LSR: variants seen among roughly 807,000 people sequenced by gnomAD.
The protein encoded by LSR is lipolysis stimulated lipoprotein receptor.
A neutral mutation model predicts 61.8 loss-of-function variants in LSR; 44 were observed. That is an observed-to-expected ratio of 0.71 (90% CI 0.56 to 0.91). LSR has a LOEUF of 0.91. LSR is among the 40% of genes least tolerant of loss of function. The pLI is 0.00. For missense variants in LSR, 911 were observed against 830.5 expected (o/e 1.10, Z -1.19); for synonymous variants, 397 against 350.6 (o/e 1.13, Z -1.48).
chr19:35,250,580 C>T lies in LSR; in HGVS notation c.375C>T (p.Val125=). Residue 125 remains valine (V), a synonymous_variant, in exon 2 of 10, where the codon GTC becomes GTT. Coordinates refer to ENST00000605618, the MANE Select transcript of LSR (RefSeq NM_205834.4). ...YVECQDSVRT[V]RVVATKQGNA... is the part of the protein sequence containing the mutation. ...AGTGCCAGGACAGCGTGCGCACCGT[C>T]AGGGTCGTGGCCACCAAGCAGGGCA... is the stretch of plus-strand genomic sequence containing the variant. 1 of 1,612,590 alleles carries T rather than the reference C, an allele frequency of 6.2e-7. No individual in the cohort carries two copies. The highest frequency in any genetic ancestry group is 8.5e-7 in the Non-Finnish European group (1 of 1,178,922).
rs1244873613 is a variant in LSR at position 35,267,384 on chromosome 19, G to A, written c.1420G>A (p.Ala474Thr). The change falls in exon 9 of 10, where the codon GCC becomes ACC. Residue 474 changes from alanine (A) to threonine (T), a missense_variant. Ala to Thr is a moderately conservative substitution (Grantham distance 58). Transcript: ENST00000605618. ...CACGAGTAATGGTGGGAGAAGCCGG[G>A]CCTACATGCCCCCGCGGAGCCGCAG... ...SPTSNGGRSR[A>T]YMPPRSRSRD... 2 of 1,602,358 alleles carry A rather than the reference G, an allele frequency of 1.2e-6. No homozygotes were observed. The highest frequency in any genetic ancestry group is 1.7e-6 in the Non-Finnish European group (2 of 1,175,372).
Position 35,261,971 on chromosome 19 carries a change from G to A in LSR, c.621G>A (p.Gly207=). The stretch of plus-strand genomic sequence containing the variant: ...AGCTCTTACCTGGTTTTCAGGCGGG[G>A]CCCATAGAAGGTACGGGGGGTGGAT... ...VAELLPGFQA[G]PIEDWLFVVV... The change falls in exon 4 of 10, where the codon GGG becomes GGA. Residue 207 remains glycine, a synonymous_variant. Transcript: ENST00000605618. 3.3e-6 allele frequency: 5 copies of A among 1,507,986 alleles called. No homozygotes were observed. The highest frequency in any genetic ancestry group is 1.5e-5 in the African/African-American group (1 of 68,092). 93.4% of individuals were successfully genotyped at this position (1,507,986 alleles called of 1,614,324 possible).
chr19:35,252,290 C>T (rs1291897326), intron 2 of LSR, among the ~76,000 whole-genome samples: 2 of 151,992 alleles, frequency 1.3e-5, no homozygotes, highest in Non-Finnish European at 2.9e-5. Flanking sequence ...AAGTTTCTGT[C>T]GTCAAGGAGA....
chr19:35,249,038 G>C lies in LSR; in HGVS notation c.16G>C (p.Gly6Arg), dbSNP rs35564267. 2.9e-4 allele frequency: 468 copies of C among 1,594,828 alleles called. 3 individuals carry two copies. In the African/African-American group the frequency reaches 5.6e-3, roughly 19 times the overall value. MALLA[G>R]GLSRGLGSHP... ...GACGGCCGCGATGGCGCTGTTGGCC[G>C]GCGGGCTCTCCAGAGGGCTGGGCTC... The change falls in exon 1 of 10, where the codon GGC becomes CGC. Residue 6 changes from glycine to arginine, a missense_variant. Physicochemically the swap from Gly to Arg is moderately radical, Grantham distance 125. Transcript: ENST00000605618.
intron 3 of LSR, among the ~76,000 whole-genome samples, chr19:35,259,950 C>T (rs916733685): frequency 2.6e-5 from 4 of 152,222 alleles, no homozygotes; most frequent in African/African-American, 9.6e-5. Context: ...TGCTGTAAGC[C>T]AACACATGGA....
At chr19:35,266,218 C>G in intron 5 of LSR, 141 bp from the exon 6 acceptor site, 1 of 621,930 alleles carries the variant, frequency 1.6e-6, no homozygotes, top group Non-Finnish European at 2.7e-6. Context: ...CCAACAGGGA[C>G]TCAGATGTCC....
At chr19:35,261,231 G>A (rs2065924365) in intron 3 of LSR, among the ~76,000 whole-genome samples, 1 of 152,172 alleles carries the variant, frequency 6.6e-6, no homozygotes, top group Non-Finnish European at 1.5e-5. Flanking sequence ...GACCTTGTGG[G>A]TCCCAGAACC....
chr19:35,266,641 C>T (rs1234205480), intron 6 of LSR, 38 bp from the exon 7 acceptor site: 9 of 1,599,836 alleles, frequency 5.6e-6, no homozygotes, highest in Non-Finnish European at 7.7e-6. Context: ...AGGGGCTCTG[C>T]TCCTGGTGCG....
intron 8 of LSR, 49 bp from the exon 9 acceptor site, chr19:35,267,060 C>A (rs1599609451): frequency 2.0e-6 from 3 of 1,536,928 alleles, no homozygotes; most frequent in Non-Finnish European, 2.6e-6. Flanking sequence ...GGTGCAAACC[C>A]TGGACCCCGG....
At position 35,266,473 on chromosome 19, in the gene LSR, G is replaced by T; in HGVS notation, c.893G>T (p.Gly298Val). 1 of 1,613,050 alleles carries T rather than the reference G, an allele frequency of 6.2e-7. No individual in the cohort carries two copies. The highest frequency in any genetic ancestry group is 8.5e-7 in the Non-Finnish European group (1 of 1,179,420). Residue 298 changes from glycine to valine, a missense_variant, in exon 6 of 10, where the codon GGC becomes GTC. Gly to Val is a moderately radical substitution (Grantham distance 109). Transcript: ENST00000605618. ...TPPPPAMIPMGPAYNGYPGGY... is the reference protein window; with the variant it reads ...TPPPPAMIPMVPAYNGYPGGY... ...CCCCCACCAGCTATGATTCCCATGG[G>T]CCCTGCCTACAACGGGTACCCTGGA... is the stretch of plus-strand genomic sequence containing the variant.
Position 35,255,206 on chromosome 19 carries a change from C to T in LSR, c.455-3739C>T, listed in dbSNP as rs115518185. Among the ~76,000 whole-genome samples the T allele has an allele frequency of 6.5e-3, 986 of 152,148 alleles. 13 individuals carry two copies. The highest frequency in any genetic ancestry group is 0.022 in the African/African-American group (918 of 41,508). ...ATAAATTTAGCGGGGCATGATGGCA[C>T]ACCCTGCTACTCTGGAGATGGGAAG... is the stretch of plus-strand genomic sequence containing the variant. On this transcript the variant is annotated intron_variant, in intron 2 of 9. Transcript: ENST00000605618.
At chr19:35,262,083 A>T (rs1568445657) in intron 4 of LSR, 102 bp downstream of exon 4, 4 of 1,104,432 alleles carry the variant, frequency 3.6e-6, no homozygotes, top group Admixed American at 2.8e-5. Context: ...AACCCTGCTC[A>T]CTGTGGACCC....
chr19:35,266,994 G>A (rs1370277650), intron 8 of LSR, 27 bp downstream of exon 8: 3 of 1,594,228 alleles, frequency 1.9e-6, no homozygotes, highest in Middle Eastern at 1.7e-4. Context: ...GGGTCTGAGG[G>A]CTTTTAAGGT....
chr19:35,266,791 C>G (rs1320253688), intron 7 of LSR, 45 bp from the exon 8 acceptor site: 1 of 1,608,174 alleles, frequency 6.2e-7, no homozygotes, highest in Non-Finnish European at 8.5e-7. Context: ...GAGGGGTGGG[C>G]CAGGATCCAT....
chr19:35,266,999 T>C, intron 8 of LSR, 32 bp downstream of exon 8: 15 of 1,591,760 alleles, frequency 9.4e-6, no homozygotes, highest in Non-Finnish European at 1.3e-5. Flanking sequence ...TGAGGGCTTT[T>C]AAGGTGGGGG....
intron 3 of LSR, among the ~76,000 whole-genome samples, chr19:35,260,353 T>C (rs946750778): frequency 7.0e-6 from 1 of 142,926 alleles, no homozygotes; most frequent in Non-Finnish European, 1.5e-5. Flanking sequence ...GTGCAGTGGC[T>C]CGATCTCGGC....
chr19:35,255,599 A>G (rs1421630525), intron 2 of LSR, among the ~76,000 whole-genome samples: 1 of 152,122 alleles, frequency 6.6e-6, no homozygotes, highest in East Asian at 1.9e-4. Flanking sequence ...ATTAAAAAAC[A>G]ACACCAACAA....
intron 3 of LSR, among the ~76,000 whole-genome samples, chr19:35,259,925 A>G (rs915753503): frequency 6.6e-6 from 1 of 152,264 alleles, no homozygotes; most frequent in Non-Finnish European, 1.5e-5. Flanking sequence ...GGATGTTGCC[A>G]TCGGCCAGGT....
chr19:35,250,304 C>T lies in LSR; in HGVS notation c.110-11C>T. ...CACAGCAACCCTTGCTGTCTCTCCT[C>T]TTGCCCTCAGCTCCTGCCAGGGCCA... On this transcript the variant is annotated splice_polypyrimidine_tract_variant and intron_variant, in intron 1 of 9. Coordinates refer to ENST00000605618, the MANE Select transcript of LSR (RefSeq NM_205834.4). 1 of 1,521,218 alleles carries T rather than the reference C, an allele frequency of 6.6e-7. No homozygotes were observed. Among genetic ancestry groups the T allele is most frequent in the Non-Finnish European group, 8.9e-7 (1 of 1,127,364 alleles). The allele number at this position is 1,521,218 out of a possible 1,614,324, so 94.2% of individuals were successfully genotyped here. A position where few individuals can be genotyped will look rare whatever the true frequency, so the allele number is the denominator to read the frequency against.
Sources: gnomAD v4.1 joint callset for allele counts (sites outside exome capture counted in the v4.1 genomes callset) on GRCh38, gnomAD v4.1.1 for gene constraint, MANE v1.5 for transcripts, NCBI Gene and HGNC (gene_info 2026-07-23, HGNC 2026-07-21) for gene names.